Variants in GRID1 observed in about 807,000 individuals in gnomAD.
GRID1 encodes the protein glutamate receptor ionotropic, delta-1.
A neutral mutation model predicts 98.0 loss-of-function variants in GRID1; 28 were observed. The observed-to-expected ratio is 0.29, with a 90% CI of 0.21 to 0.39. GRID1 has a LOEUF of 0.39. Ranked by LOEUF, GRID1 falls within the 10% of genes least tolerant of loss-of-function variation. The pLI is 1.00. For synonymous variants in GRID1, 553 were observed against 538.5 expected, an observed-to-expected ratio of 1.03 and a Z score of -0.37; for missense variants, 1,111 against 1,340.5, an observed-to-expected ratio of 0.83 and a Z score of 2.67.
At chr10:86,034,779 T>A (rs1843232970) in intron 4 of GRID1, among the ~76,000 whole-genome samples, 1 of 152,110 alleles carries the variant, frequency 6.6e-6, no homozygotes, top group Admixed American at 6.6e-5. Context: ...TATCTTTTCC[T>A]CAGATTGTGC....
At chr10:86,337,064 G>A (rs1005983703) in intron 2 of GRID1, among the ~76,000 whole-genome samples, 2 of 151,728 alleles carry the variant, frequency 1.3e-5, no homozygotes, top group Non-Finnish European at 1.5e-5. Flanking sequence ...TGTTAGCCAG[G>A]ATGGTCTCGA....
At chr10:85,906,820 A>G (rs1391288748) in intron 5 of GRID1, among the ~76,000 whole-genome samples, 1 of 152,122 alleles carries the variant, frequency 6.6e-6, no homozygotes, top group Non-Finnish European at 1.5e-5. Flanking sequence ...AAACTAGGGG[A>G]AAAAAGAGCA....
chr10:86,060,885 C>A (rs1003560311), intron 4 of GRID1, among the ~76,000 whole-genome samples: 2 of 152,310 alleles, frequency 1.3e-5, no homozygotes, highest in South Asian at 4.1e-4. Context: ...GATGTCAAGG[C>A]CTCTGGGTAT....
intron 2 of GRID1, among the ~76,000 whole-genome samples, chr10:86,241,413 C>A (rs2814335): frequency 9.9e-5 from 15 of 151,606 alleles, no homozygotes; most frequent in Admixed American, 9.2e-4. Flanking sequence ...ACAGGGGGGC[C>A]CCCTACAGCC....
chr10:85,989,198 T>C (rs182660511), intron 4 of GRID1, among the ~76,000 whole-genome samples: 3 of 152,298 alleles, frequency 2.0e-5, no homozygotes, highest in African/African-American at 7.2e-5. Flanking sequence ...GTTGGAGTCA[T>C]TGGCTTTGGA....
intron 8 of GRID1, among the ~76,000 whole-genome samples, chr10:85,768,058 A>T (rs933625697): frequency 2.0e-5 from 3 of 152,220 alleles, no homozygotes; most frequent in South Asian, 4.1e-4. Context: ...AACCCCAGAG[A>T]CTTTGGTGGA....
chr10:86,102,598 G>A lies in GRID1; in HGVS notation c.726+36221C>T, dbSNP rs1005058363. Among the ~76,000 whole-genome samples, 6 of 152,344 alleles carry A rather than the reference G, an allele frequency of 3.9e-5. No homozygotes were observed. In the East Asian group the frequency reaches 1.2e-3, roughly 29 times the overall value. The stretch of plus-strand genomic sequence containing the variant: ...AGAATAATCATTCTTCCTCTAAGGA[G>A]GAATGCAGGCCTGATCCCCACAACA... On this transcript the variant is annotated intron_variant, in intron 4 of 15. Transcript: ENST00000327946.
chr10:86,061,694 A>G (rs1843651405), intron 4 of GRID1, among the ~76,000 whole-genome samples: 1 of 152,028 alleles, frequency 6.6e-6, no homozygotes, highest in Non-Finnish European at 1.5e-5. Context: ...CCCTCCTGCC[A>G]GTGCTCCAAG....
intron 4 of GRID1, among the ~76,000 whole-genome samples, chr10:86,096,940 C>T (rs1844229209): frequency 1.3e-5 from 2 of 152,222 alleles, no homozygotes; most frequent in Admixed American, 1.3e-4. Flanking sequence ...AAGTGACCCA[C>T]TAGCAAAATT....
At chr10:85,630,555 TCA>T (rs1297478956) in intron 13 of GRID1, among the ~76,000 whole-genome samples, 1 of 152,172 alleles carries the variant, frequency 6.6e-6, no homozygotes, top group African/African-American at 2.4e-5. Flanking sequence ...CTAGGCTGGG[TCA>T]CAGTCTTGGC....
chr10:86,254,152 T>C (rs1846878361), intron 2 of GRID1, among the ~76,000 whole-genome samples: 1 of 152,126 alleles, frequency 6.6e-6, no homozygotes, highest in African/African-American at 2.4e-5. Flanking sequence ...TAGCACAGGA[T>C]AGCAACCAAC....
intron 3 of GRID1, among the ~76,000 whole-genome samples, chr10:86,193,424 G>A (rs985030521): frequency 1.3e-5 from 2 of 152,088 alleles, no homozygotes; most frequent in East Asian, 1.9e-4. Flanking sequence ...GCTCAACCAC[G>A]TGGCCTTTGG....
chr10:86,210,004 C>T (rs1420959041), intron 2 of GRID1, among the ~76,000 whole-genome samples: 2 of 152,184 alleles, frequency 1.3e-5, no homozygotes, highest in Non-Finnish European at 2.9e-5. Flanking sequence ...CTGCCCTAAG[C>T]ACTGTCAGGG....
intron 2 of GRID1, among the ~76,000 whole-genome samples, chr10:86,281,644 G>A (rs1451322830): frequency 1.3e-5 from 2 of 152,120 alleles, no homozygotes; most frequent in South Asian, 4.2e-4. Context: ...GGTGCTCTGG[G>A]CTCCTGTTGC....
In GRID1 at chr10:85,997,503, G is replaced by A. The variant is rs1006920165; in HGVS notation, c.727-81264C>T. Among the ~76,000 whole-genome samples, 3 of 152,224 alleles carry A rather than the reference G, an allele frequency of 2.0e-5. No homozygotes were observed. The East Asian group carries it at 5.8e-4, about 29-fold the overall frequency. The stretch of plus-strand genomic sequence containing the variant: ...ACTGCACTTAAAGTGGCAAATTATT[G>A]ATTCTCAGTACACTATAAAAACGTA... On this transcript the variant is annotated intron_variant, in intron 4 of 15. Transcript: ENST00000327946.
chr10:86,359,635 A>T (rs1170787201), intron 2 of GRID1, among the ~76,000 whole-genome samples: 1 of 152,206 alleles, frequency 6.6e-6, no homozygotes, highest in African/African-American at 2.4e-5. Context: ...CTAAACTGTT[A>T]TCCTTCCACA....
intron 8 of GRID1, among the ~76,000 whole-genome samples, chr10:85,845,317 T>C (rs1027417730): frequency 2.0e-5 from 3 of 152,030 alleles, no homozygotes; most frequent in East Asian, 3.9e-4. Flanking sequence ...CTACATATAA[T>C]AATAAATCAA....
At chr10:86,235,717 A>C (rs1019813917) in intron 2 of GRID1, among the ~76,000 whole-genome samples, 15 of 152,234 alleles carry the variant, frequency 9.9e-5, no homozygotes, top group African/African-American at 3.4e-4. Flanking sequence ...AGCGTGTATC[A>C]GTGTTTCATT....
At chr10:85,809,805 G>C (rs1295680603) in intron 8 of GRID1, among the ~76,000 whole-genome samples, 1 of 152,158 alleles carries the variant, frequency 6.6e-6, no homozygotes, top group Non-Finnish European at 1.5e-5. Context: ...GATCAGCTCA[G>C]AGTGGAGGGA....
Sources: gnomAD v4.1 joint callset for allele counts (sites outside exome capture counted in the v4.1 genomes callset) on GRCh38, gnomAD v4.1.1 for gene constraint, MANE v1.5 for transcripts, NCBI Gene and HGNC (gene_info 2026-07-23, HGNC 2026-07-21) for gene names.